Variants in IL23R observed in about 807,000 individuals in gnomAD.
IL23R encodes interleukin-23 receptor.
A neutral mutation model predicts 56.9 loss-of-function variants in IL23R; 34 were observed. The ratio of observed to expected loss-of-function variants is 0.60; its 90% CI spans 0.45 to 0.80. IL23R has a LOEUF of 0.80. Among genes scored for constraint, IL23R ranks in the 30% least tolerant of loss-of-function variants. The probability of loss-of-function intolerance (pLI) is 0.00; values close to 1 mark genes in which losing one functional copy is unlikely to be tolerated. For synonymous variants in IL23R, 230 were observed against 249.2 expected (o/e 0.92, Z 0.73); for missense variants, 635 against 730.0 (o/e 0.87, Z 1.50).
chr1:67,203,628 A>G (rs1486877566), intron 5 of IL23R, among the ~76,000 whole-genome samples: 2 of 152,220 alleles, frequency 1.3e-5, no homozygotes, highest in Non-Finnish European at 1.5e-5. Context: ...GCCCCAGCCA[A>G]CAAAACCACC....
chr1:67,210,965 A>G (rs1649430810), intron 6 of IL23R, among the ~76,000 whole-genome samples: 2 of 152,326 alleles, frequency 1.3e-5, no homozygotes, highest in South Asian at 2.1e-4. Flanking sequence ...AGAGTAATAT[A>G]TCTTAAAAGT....
intron 7 of IL23R, among the ~76,000 whole-genome samples, chr1:67,231,451 A>G (rs1286024490): frequency 6.6e-6 from 1 of 152,046 alleles, no homozygotes; most frequent in South Asian, 2.1e-4. Context: ...ATCAAACCTC[A>G]TGACCTCACT....
chr1:67,228,108 C>T lies in IL23R; in HGVS notation c.955+8378C>T, dbSNP rs1237468846. Among the ~76,000 whole-genome samples, 103 of 46,848 alleles carry T rather than the reference C, an allele frequency of 2.2e-3. 1 individual carries two copies. Among genetic ancestry groups the T allele is most frequent in the African/African-American group, 3.6e-3 (38 of 10,674 alleles). 30.7% of individuals were successfully genotyped at this position (46,848 alleles called of 152,430 possible). ...TTTCTTTCTTTCTTTCTTTCTTTCTCTCTCTTTCTTTCTTTCTTTCCTTCT... is the reference window on the plus strand; with the variant it reads ...TTTCTTTCTTTCTTTCTTTCTTTCTTTCTCTTTCTTTCTTTCTTTCCTTCT... On this transcript the variant is annotated intron_variant, in intron 7 of 10. Transcript: ENST00000347310.
chr1:67,168,513 G>A (rs550154796), intron 2 of IL23R, among the ~76,000 whole-genome samples: 1 of 152,100 alleles, frequency 6.6e-6, no homozygotes. Flanking sequence ...TCAAACATTT[G>A]GATGCAATTC....
intron 5 of IL23R, among the ~76,000 whole-genome samples, chr1:67,202,529 C>T (rs1648712386): frequency 6.6e-6 from 1 of 152,038 alleles, no homozygotes; most frequent in African/African-American, 2.4e-5. Context: ...TGAGCCACTG[C>T]CAGCTAACAG....
At chr1:67,257,090 T>A (rs1652990212) in intron 10 of IL23R, among the ~76,000 whole-genome samples, 1 of 152,182 alleles carries the variant, frequency 6.6e-6, no homozygotes, top group Non-Finnish European at 1.5e-5. Flanking sequence ...AAAATTGGAA[T>A]GACACTTCAT....
At chr1:67,252,183 C>G (rs892239393) in intron 9 of IL23R, among the ~76,000 whole-genome samples, 1 of 151,702 alleles carries the variant, frequency 6.6e-6, no homozygotes, top group African/African-American at 2.4e-5. Context: ...TCATTTTTAC[C>G]TAAAATATTG....
chr1:67,177,327 G>T (rs1414209157), intron 3 of IL23R, among the ~76,000 whole-genome samples: 2 of 152,108 alleles, frequency 1.3e-5, no homozygotes, highest in African/African-American at 2.4e-5. Flanking sequence ...GTGTGAGATG[G>T]TATCTCATTG....
Position 67,219,740 on chromosome 1 carries a change from CT to C in IL23R, c.955+12del, listed in dbSNP as rs776376385. The C allele has an allele frequency of 1.9e-6, 3 of 1,610,838 alleles. No individual in the cohort carries two copies. The African/African-American group carries it at 4.0e-5, about 22-fold the overall frequency. ...AAAACACCTGAAACAGGTGAGTGTA[CT>C]TATATATTTTATTCTGTTGGGCTTT... is the stretch of plus-strand genomic sequence containing the variant. On this transcript the variant is annotated intron_variant, in intron 7 of 10. Transcript: ENST00000347310.
intron 5 of IL23R, 101 bp downstream of exon 5, chr1:67,200,998 C>T (rs1648588059): frequency 7.5e-6 from 9 of 1,208,020 alleles, no homozygotes; most frequent in Non-Finnish European, 1.1e-5. Flanking sequence ...AAAGTTCCTG[C>T]AGAGCATGAT....
chr1:67,177,090 G>A (rs1292351454), intron 3 of IL23R, among the ~76,000 whole-genome samples: 1 of 152,140 alleles, frequency 6.6e-6, no homozygotes, highest in Non-Finnish European at 1.5e-5. Context: ...GTGTGCATGT[G>A]TCTTTACAGC....
chr1:67,187,808 G>A (rs1409505840), intron 4 of IL23R, among the ~76,000 whole-genome samples: 1 of 152,162 alleles, frequency 6.6e-6, no homozygotes, highest in Non-Finnish European at 1.5e-5. Context: ...GCACACGCTT[G>A]TAATCCCAGC....
chr1:67,242,166 G>A (rs556089424), intron 9 of IL23R, among the ~76,000 whole-genome samples: 1 of 152,294 alleles, frequency 6.6e-6, no homozygotes, highest in Non-Finnish European at 1.5e-5. Flanking sequence ...TGCTAGAAGA[G>A]TGAAGGCCTC....
At chr1:67,237,990 A>G (rs1651594600) in intron 8 of IL23R, among the ~76,000 whole-genome samples, 2 of 152,192 alleles carry the variant, frequency 1.3e-5, no homozygotes, top group Admixed American at 6.5e-5. Flanking sequence ...TTCTAGCCAG[A>G]CAGGGCAGAA....
chr1:67,139,848 G>T (rs763412155), intron 1 of IL23R, among the ~76,000 whole-genome samples: 11 of 152,178 alleles, frequency 7.2e-5, no homozygotes, highest in Non-Finnish European at 1.2e-4. Flanking sequence ...GCTTGGTGGG[G>T]CCTTTAAAAG....
intron 5 of IL23R, among the ~76,000 whole-genome samples, chr1:67,202,731 C>T (rs1305705742): frequency 6.6e-6 from 1 of 152,084 alleles, no homozygotes; most frequent in Non-Finnish European, 1.5e-5. Context: ...GGCCACAGTG[C>T]CTGGCTAATT....
At chr1:67,225,779 G>A (rs1430271031) in intron 7 of IL23R, among the ~76,000 whole-genome samples, 3 of 151,438 alleles carry the variant, frequency 2.0e-5, no homozygotes, top group Admixed American at 6.6e-5. Context: ...CAGAGTGCTG[G>A]GATTACAAGC....
At chr1:67,242,236 TCTGA>T (rs1427271578) in intron 9 of IL23R, among the ~76,000 whole-genome samples, 1 of 152,210 alleles carries the variant, frequency 6.6e-6, no homozygotes, top group African/African-American at 2.4e-5. Context: ...ATGTTCTGTT[TCTGA>T]CTGACTATGA....
intron 1 of IL23R, among the ~76,000 whole-genome samples, chr1:67,157,004 G>T (rs72927014): frequency 0.029 from 4,373 of 152,216 alleles, 209 homozygotes; most frequent in African/African-American, 0.1. Flanking sequence ...GTAGTACCCC[G>T]GGTAGGTAGC....
Sources: allele counts gnomAD v4.1 joint callset (sites outside exome capture counted in the v4.1 genomes callset), GRCh38; gene constraint gnomAD v4.1.1; transcripts MANE v1.5; gene names NCBI Gene and HGNC (gene_info 2026-07-23, HGNC 2026-07-21).